The following SH3GL3 variants were observed in gnomAD, a reference collection of about 807,000 sequenced individuals.
SH3GL3 encodes the protein SH3 domain containing GRB2 like 3, endophilin A3.
Under a neutral mutation model 47.7 loss-of-function variants are expected in SH3GL3, and 33 were observed. The observed-to-expected ratio is 0.69, with a 90% CI of 0.52 to 0.92. The LOEUF (loss-of-function observed/expected upper bound fraction) is 0.92. Among genes scored for constraint, SH3GL3 ranks in the 40% least tolerant of loss-of-function variants. SH3GL3 has a pLI of 0.00. For synonymous variants in SH3GL3, 155 were observed against 148.8 expected (o/e 1.04, Z -0.30); for missense variants, 363 against 417.8 (o/e 0.87, Z 1.14).
chr15:83,516,469 GA>G (rs981159912), intron 1 of SH3GL3, among the ~76,000 whole-genome samples: 4 of 152,290 alleles, frequency 2.6e-5, no homozygotes, highest in Non-Finnish European at 5.9e-5. Flanking sequence ...TAATTTATAA[GA>G]AAAGAGATTT....
At chr15:83,615,840 AT>A (rs1368713504) in intron 8 of SH3GL3, among the ~76,000 whole-genome samples, 1 of 152,214 alleles carries the variant, frequency 6.6e-6, no homozygotes, top group Non-Finnish European at 1.5e-5. Context: ...TATTTACCTC[AT>A]TTTGCCAAAA....
At chr15:83,556,101 T>C (rs1173848089) in intron 1 of SH3GL3, among the ~76,000 whole-genome samples, 1 of 152,244 alleles carries the variant, frequency 6.6e-6, no homozygotes, top group African/African-American at 2.4e-5. Context: ...CTTGAGTATT[T>C]ATATTTAGCT....
chr15:83,620,817 C>G (rs1460539880), downstream of SH3GL3, among the ~76,000 whole-genome samples: 1 of 152,224 alleles, frequency 6.6e-6, no homozygotes, highest in African/African-American at 2.4e-5. Context: ...ATTGACTTCT[C>G]TAACTAGGAA....
At chr15:83,495,480 A>G (rs2042041871) in intron 1 of SH3GL3, among the ~76,000 whole-genome samples, 1 of 152,212 alleles carries the variant, frequency 6.6e-6, no homozygotes. Context: ...CATGCCTGTA[A>G]TCTCAGCATT....
chr15:83,626,365 C>T, the SH3GL3 span, among the ~76,000 whole-genome samples: 1 of 152,188 alleles, frequency 6.6e-6, no homozygotes, highest in Non-Finnish European at 1.5e-5. Context: ...AGCTCATGTT[C>T]TGAATCACTC....
At chr15:83,578,814 T>C (rs2059755011) in intron 6 of SH3GL3, among the ~76,000 whole-genome samples, 1 of 152,180 alleles carries the variant, frequency 6.6e-6, no homozygotes, top group Admixed American at 6.5e-5. Flanking sequence ...TTGAAGTCTT[T>C]AGAAAATGTA....
chr15:83,456,781 C>T (rs1394420536), intron 1 of SH3GL3, among the ~76,000 whole-genome samples: 3 of 152,004 alleles, frequency 2.0e-5, no homozygotes, highest in South Asian at 2.1e-4. Context: ...GCGTCGCTCA[C>T]GCTGGGAGCT....
chr15:83,481,979 T>C lies in SH3GL3; in HGVS notation c.45+34401T>C, dbSNP rs113692786. ...GAGGGGGGAGTCATTTCCAATTTATTACTTAACAGAAAGATGAGCAATTTG... is the reference window on the plus strand; with the variant it reads ...GAGGGGGGAGTCATTTCCAATTTATCACTTAACAGAAAGATGAGCAATTTG... On this transcript the variant is annotated intron_variant, in intron 1 of 8. Transcript: ENST00000427482. Among the ~76,000 whole-genome samples the C allele has an allele frequency of 4.3e-3, 656 of 152,320 alleles. 6 individuals carry two copies. Among genetic ancestry groups the C allele is most frequent in the African/African-American group, 0.015 (618 of 41,568 alleles).
At chr15:83,578,660 T>A (rs2059750083) in intron 6 of SH3GL3, among the ~76,000 whole-genome samples, 1 of 88,068 alleles carries the variant, frequency 1.1e-5, no homozygotes, top group African/African-American at 3.1e-5. Flanking sequence ...TCTTTTAATT[T>A]TTTTTTTTTT....
At chr15:83,485,872 G>A (rs532893447) in intron 1 of SH3GL3, among the ~76,000 whole-genome samples, 19 of 152,130 alleles carry the variant, frequency 1.2e-4, no homozygotes, top group African/African-American at 4.3e-4. Flanking sequence ...TATACATACA[G>A]AAAACTAAAG....
intron 1 of SH3GL3, among the ~76,000 whole-genome samples, chr15:83,537,052 C>T (rs2043944813): frequency 6.6e-6 from 1 of 152,130 alleles, no homozygotes; most frequent in South Asian, 2.1e-4. Flanking sequence ...GTCTTCCCTC[C>T]CTACTGGAAG....
Position 83,559,338 on chromosome 15 carries a change from A to G in SH3GL3, c.114+17A>G, listed in dbSNP as rs376635408. 101 of 1,354,626 alleles carry G rather than the reference A, an allele frequency of 7.5e-5. No homozygotes were observed. The African/African-American group carries it at 1.3e-3, about 17-fold the overall frequency. 83.9% of individuals were successfully genotyped at this position (1,354,626 alleles called of 1,614,324 possible). A position where few individuals can be genotyped will look rare whatever the true frequency, so the allele number is the denominator to read the frequency against. On this transcript the variant is annotated intron_variant, in intron 2 of 8. Transcript: ENST00000427482. ...ATGGAAAGGGTAAGAGCATTTTAAT[A>G]TGTAAATTGATTAGAAACTGACTTT...
chr15:83,564,953 C>T (rs549604923), intron 2 of SH3GL3, among the ~76,000 whole-genome samples, 181 bp from the exon 3 acceptor site: 18 of 152,078 alleles, frequency 1.2e-4, no homozygotes, highest in African/African-American at 2.4e-4. Context: ...AAATGATGTT[C>T]CAAAAATCAG....
chr15:83,621,205 T>G (rs1420778460), downstream of SH3GL3, among the ~76,000 whole-genome samples: 1 of 152,220 alleles, frequency 6.6e-6, no homozygotes, highest in Non-Finnish European at 1.5e-5. Flanking sequence ...CTTCAAGGAC[T>G]TTTTCTTTGC....
intron 8 of SH3GL3, among the ~76,000 whole-genome samples, chr15:83,616,135 T>G (rs2060806316): frequency 6.6e-6 from 1 of 152,000 alleles, no homozygotes; most frequent in African/African-American, 2.4e-5. Context: ...AGATAAAGGG[T>G]AAATATGTGT....
At chr15:83,480,914 G>A (rs946761968) in intron 1 of SH3GL3, among the ~76,000 whole-genome samples, 1 of 152,084 alleles carries the variant, frequency 6.6e-6, no homozygotes, top group South Asian at 2.1e-4. Context: ...TGGATACCGA[G>A]GGGTAGCTGT....
At chr15:83,520,320 A>C (rs1230283810) in intron 1 of SH3GL3, among the ~76,000 whole-genome samples, 3 of 152,234 alleles carry the variant, frequency 2.0e-5, no homozygotes, top group African/African-American at 7.2e-5. Context: ...TCCTTTGAAG[A>C]GATAGCAAAG....
intron 1 of SH3GL3, among the ~76,000 whole-genome samples, chr15:83,526,997 G>T (rs944777634): frequency 1.3e-5 from 2 of 152,072 alleles, no homozygotes; most frequent in African/African-American, 4.8e-5. Context: ...TTGCCTTCTT[G>T]ATTTCTTTTT....
At chr15:83,572,727 G>T in intron 5 of SH3GL3, 29 bp downstream of exon 5, 1 of 1,506,672 alleles carries the variant, frequency 6.6e-7, no homozygotes, top group Non-Finnish European at 9.1e-7. Context: ...AAATATACCT[G>T]TTGCTACATA....
Sources: allele counts gnomAD v4.1 joint callset (sites outside exome capture counted in the v4.1 genomes callset), GRCh38; gene constraint gnomAD v4.1.1; transcripts MANE v1.5; gene names NCBI Gene and HGNC (gene_info 2026-07-23, HGNC 2026-07-21).